The following XKR4 variants were observed in gnomAD, a reference collection of about 807,000 sequenced individuals.
XKR4 encodes XK related 4.
A neutral mutation model predicts 53.9 loss-of-function variants in XKR4; 12 were observed. The ratio of observed to expected loss-of-function variants is 0.22; its 90% confidence interval spans 0.14 to 0.36. The LOEUF is 0.36. Among genes scored for constraint, XKR4 ranks in the 10% least tolerant of loss-of-function variants. XKR4 has a pLI of 1.00. For missense variants in XKR4, 799 were observed against 859.5 expected (o/e 0.93, Z 0.88); for synonymous variants, 354 against 362.4 (o/e 0.98, Z 0.26).
chr8:55,443,530 T>TAAAA lies in XKR4; in HGVS notation c.1007-79728_1007-79725dup, dbSNP rs751152509. Among the ~76,000 whole-genome samples the TAAAA allele has an allele frequency of 9.2e-3, 680 of 73,984 alleles. 92 individuals carry two copies. The highest frequency in any genetic ancestry group is 0.034 in the East Asian group (78 of 2,294). The allele number at this position is 73,984 out of a possible 152,430, so 48.5% of individuals were successfully genotyped here. ...TTTGTAGATTTATAATCAGTTACATTAAAAAAAAAAAAAAAAAAAAAAAAA... is the reference window on the plus strand; with the variant it reads ...TTTGTAGATTTATAATCAGTTACATTAAAAAAAAAAAAAAAAAAAAAAAAAAAAA... On this transcript the variant is annotated intron_variant, in intron 2 of 2. Coordinates refer to ENST00000327381, the MANE Select transcript of XKR4 (RefSeq NM_052898.2).
chr8:55,386,392 C>A (rs1804315800), intron 2 of XKR4, among the ~76,000 whole-genome samples: 1 of 152,216 alleles, frequency 6.6e-6, no homozygotes, highest in African/African-American at 2.4e-5. Context: ...TTATTTAGCA[C>A]ACCCCACAAA....
At position 55,429,460 on chromosome 8, in the gene XKR4, A is replaced by G. The variant is rs543130759; in HGVS notation, c.1006+71583A>G. Among the ~76,000 whole-genome samples the G allele has an allele frequency of 1.2e-3, 186 of 152,318 alleles. 1 individual carries two copies. The highest frequency in any genetic ancestry group is 4.4e-3 in the African/African-American group (183 of 41,584). On this transcript the variant is annotated intron_variant, in intron 2 of 2. Transcript: ENST00000327381. ...TGCGGTGGCTCATGCCTGTAATCCC[A>G]GAACTTTGGGAGCCAAGGCAGGAGA...
intron 1 of XKR4, among the ~76,000 whole-genome samples, chr8:55,252,447 GCAGA>G (rs779028193): frequency 1.3e-5 from 2 of 152,138 alleles, no homozygotes; most frequent in Non-Finnish European, 2.9e-5. Context: ...TTGGAACAAA[GCAGA>G]CACTTAAATG....
intron 2 of XKR4, among the ~76,000 whole-genome samples, chr8:55,475,595 T>C (rs1805971387): frequency 8.1e-6 from 1 of 123,968 alleles, no homozygotes; most frequent in South Asian, 2.4e-4. Flanking sequence ...TATTTATTTA[T>C]TTATTTATTT....
intron 1 of XKR4, among the ~76,000 whole-genome samples, chr8:55,209,087 G>A (rs796992593): frequency 1.1e-4 from 16 of 152,220 alleles, no homozygotes; most frequent in South Asian, 6.2e-4. Context: ...CCAGGTTTGC[G>A]CTGAATAACC....
chr8:55,181,215 C>G (rs1305754854), intron 1 of XKR4, among the ~76,000 whole-genome samples: 3 of 152,198 alleles, frequency 2.0e-5, no homozygotes, highest in Admixed American at 1.3e-4. Flanking sequence ...GATTCTCCAG[C>G]TCATCCTTTG....
At chr8:55,462,413 C>G (rs941206179) in intron 2 of XKR4, among the ~76,000 whole-genome samples, 2 of 152,102 alleles carry the variant, frequency 1.3e-5, no homozygotes, top group Non-Finnish European at 2.9e-5. Context: ...ACTTTACAGA[C>G]AAGCAAATGC....
At chr8:55,496,051 C>G (rs1806343317) in intron 2 of XKR4, among the ~76,000 whole-genome samples, 1 of 152,198 alleles carries the variant, frequency 6.6e-6, no homozygotes, top group Non-Finnish European at 1.5e-5. Context: ...GTCATTCAGT[C>G]AAAGCTCACC....
intron 1 of XKR4, among the ~76,000 whole-genome samples, chr8:55,342,585 C>T (rs569284575): frequency 3.3e-5 from 5 of 152,266 alleles, no homozygotes; most frequent in Non-Finnish European, 5.9e-5. Context: ...TGCTCCACCA[C>T]TCATCTCCCT....
intron 1 of XKR4, among the ~76,000 whole-genome samples, chr8:55,269,617 C>T (rs932828320): frequency 6.6e-6 from 1 of 152,082 alleles, no homozygotes; most frequent in African/African-American, 2.4e-5. Context: ...GTCATGCATA[C>T]ACTATGTCAT....
At chr8:55,412,107 G>A (rs1346408226) in intron 2 of XKR4, among the ~76,000 whole-genome samples, 1 of 152,150 alleles carries the variant, frequency 6.6e-6, no homozygotes, top group Non-Finnish European at 1.5e-5. Flanking sequence ...GCATCAGGGT[G>A]GACGCTGATT....
intron 2 of XKR4, among the ~76,000 whole-genome samples, chr8:55,394,609 C>G (rs767938429): frequency 1.3e-5 from 2 of 152,180 alleles, no homozygotes; most frequent in Non-Finnish European, 2.9e-5. Context: ...AAATATCTTT[C>G]ACTTCCTCTT....
At chr8:55,103,889 A>ATC (rs1327805368) in intron 1 of XKR4, among the ~76,000 whole-genome samples, 1 of 126,414 alleles carries the variant, frequency 7.9e-6, no homozygotes, top group Non-Finnish European at 1.7e-5. Context: ...ATATATATAT[A>ATC]TATATCCCCG....
rs1057064783 is a variant in XKR4 at position 55,403,899 on chromosome 8, C to T, written c.1006+46022C>T. Among the ~76,000 whole-genome samples, 3 of 152,322 alleles carry T rather than the reference C, an allele frequency of 2.0e-5. No individual in the cohort carries two copies. The South Asian group carries it at 6.2e-4, about 32-fold the overall frequency. ...GATGAGACCTGGCAAGTATCACATC[C>T]CGGAAGCTCATAGAACGCCAGGGCA... On this transcript the variant is annotated intron_variant, in intron 2 of 2. Coordinates refer to ENST00000327381, the MANE Select transcript of XKR4 (RefSeq NM_052898.2).
intron 1 of XKR4, among the ~76,000 whole-genome samples, chr8:55,217,176 A>G (rs1817813396): frequency 7.1e-6 from 1 of 141,580 alleles, no homozygotes; most frequent in African/African-American, 2.6e-5. Context: ...CGGGAGGCAG[A>G]GCTTGCAGTG....
intron 1 of XKR4, among the ~76,000 whole-genome samples, chr8:55,249,589 T>C (rs1187879128): frequency 6.6e-6 from 1 of 152,242 alleles, no homozygotes; most frequent in Non-Finnish European, 1.5e-5. Context: ...TTTTAAGCTT[T>C]GGAAACTTTC....
intron 2 of XKR4, among the ~76,000 whole-genome samples, chr8:55,471,627 T>C (rs1805885504): frequency 6.6e-6 from 1 of 152,184 alleles, no homozygotes; most frequent in African/African-American, 2.4e-5. Flanking sequence ...GTTTGAATGT[T>C]TGTCCTCTCC....
chr8:55,467,435 CCA>C (rs1225676612), intron 2 of XKR4, among the ~76,000 whole-genome samples: 1 of 152,140 alleles, frequency 6.6e-6, no homozygotes, highest in Admixed American at 6.5e-5. Context: ...CCCTTCATAT[CCA>C]CAGTCTCTCC....
chr8:55,383,655 A>G (rs1311916151), intron 2 of XKR4, among the ~76,000 whole-genome samples: 1 of 152,236 alleles, frequency 6.6e-6, no homozygotes, highest in Non-Finnish European at 1.5e-5. Flanking sequence ...TAATTAGAAC[A>G]GTGTTCTAAT....
Sources: allele counts gnomAD v4.1 joint callset (sites outside exome capture counted in the v4.1 genomes callset), GRCh38; gene constraint gnomAD v4.1.1; transcripts MANE v1.5; gene names NCBI Gene and HGNC (gene_info 2026-07-23, HGNC 2026-07-21).